Variants in BARX2 observed in about 807,000 individuals in gnomAD.
The protein encoded by BARX2 is BARX homeobox 2.
BARX2 carries 11 observed loss-of-function variants against 25.5 expected under a neutral mutation model. The observed-to-expected ratio is 0.43, with a 90% CI of 0.27 to 0.71. The LOEUF (loss-of-function observed/expected upper bound fraction) is 0.71. BARX2 is among the 30% of genes least tolerant of loss of function. BARX2 has a pLI of 0.19. For synonymous variants in BARX2, 137 were observed against 149.5 expected, an observed-to-expected ratio of 0.92 and a Z score of 0.61; for missense variants, 360 against 359.9, an observed-to-expected ratio of 1.00 and a Z score of 0.00.
At chr11:129,383,057 C>T (rs149227088) in intron 1 of BARX2, among the ~76,000 whole-genome samples, 4 of 152,266 alleles carry the variant, frequency 2.6e-5, no homozygotes, top group East Asian at 3.9e-4. Context: ...TTATTAGTAA[C>T]GGGAGTCAGA....
chr11:129,392,351 C>T (rs1322334778), intron 1 of BARX2, among the ~76,000 whole-genome samples: 1 of 152,132 alleles, frequency 6.6e-6, no homozygotes, highest in African/African-American at 2.4e-5. Context: ...GAGATCTGGC[C>T]CTTACCATAA....
chr11:129,419,773 ATAT>A (rs973893031), intron 1 of BARX2, among the ~76,000 whole-genome samples: 1 of 151,652 alleles, frequency 6.6e-6, no homozygotes, highest in Non-Finnish European at 1.5e-5. Flanking sequence ...ATTACTGGCA[ATAT>A]TATTATTATT....
At chr11:129,404,041 A>C (rs1292685575) in intron 1 of BARX2, among the ~76,000 whole-genome samples, 1 of 152,260 alleles carries the variant, frequency 6.6e-6, no homozygotes, top group African/African-American at 2.4e-5. Flanking sequence ...CTAATGAATG[A>C]TTCTATCAAA....
rs758587147 is a variant in BARX2, at chr11:129,451,268, C to T, written c.706C>T (p.Pro236Ser). The change falls in exon 4 of 4, where the codon CCC becomes TCC. Residue 236 changes from proline (P) to serine (S), a missense_variant. This residue lies in a region of BARX2 where 114 missense variants were observed against 109.4 expected (regional missense o/e 1.04). Transcript: ENST00000281437. ...SQAQGQEQLE[P>S]SQGQEELCEA... ...GGCCCAGGGTCAGGAGCAGCTGGAG[C>T]CCTCTCAGGGGCAGGAGGAGCTCTG... is the stretch of plus-strand genomic sequence containing the variant. 1.9e-5 allele frequency: 30 copies of T among 1,614,072 alleles called. No individual in the cohort carries two copies. In the Middle Eastern group the frequency reaches 4.9e-4, roughly 27 times the overall value.
intron 2 of BARX2, among the ~76,000 whole-genome samples, chr11:129,441,357 C>A (rs564142646): frequency 4.6e-5 from 7 of 152,324 alleles, no homozygotes; most frequent in South Asian, 2.1e-4. Flanking sequence ...GTTTTCTGGG[C>A]AGAGCCAGAC....
In BARX2 at chr11:129,436,299, T is replaced by C; in HGVS notation, c.188-452T>C. 1 of 160,800 alleles carries C rather than the reference T, an allele frequency of 6.2e-6. No homozygotes were observed. Among genetic ancestry groups the C allele is most frequent in the Non-Finnish European group, 1.3e-5 (1 of 74,164 alleles). 10.0% of individuals were successfully genotyped at this position (160,800 alleles called of 1,614,324 possible). On this transcript the variant is annotated intron_variant, in intron 1 of 3. Coordinates refer to ENST00000281437, the MANE Select transcript of BARX2 (RefSeq NM_003658.5). The surrounding 1 kb of genome is among the most constrained non-coding windows in gnomAD (Gnocchi z 4.5). ...TGCTATGCTTCAAGGTACACAGACT[T>C]CTCAGGAAGAATTCATAGCTACAAG...
chr11:129,414,680 G>A (rs1861926817), intron 1 of BARX2, among the ~76,000 whole-genome samples: 1 of 152,222 alleles, frequency 6.6e-6, no homozygotes, highest in Non-Finnish European at 1.5e-5. Flanking sequence ...AGCAGGGAGT[G>A]AATCAGAGCC....
chr11:129,401,785 G>A (rs527402569), intron 1 of BARX2, among the ~76,000 whole-genome samples: 30 of 152,164 alleles, frequency 2.0e-4, no homozygotes, highest in African/African-American at 6.5e-4. Flanking sequence ...GTGAAACCCC[G>A]TCTCTGCGAA....
chr11:129,402,434 AC>A (rs1190266504), intron 1 of BARX2, among the ~76,000 whole-genome samples: 1 of 152,216 alleles, frequency 6.6e-6, no homozygotes, highest in Non-Finnish European at 1.5e-5. Flanking sequence ...TAAGCATCCA[AC>A]AGCTGTTTGA....
chr11:129,417,199 C>T (rs1861954004), intron 1 of BARX2, among the ~76,000 whole-genome samples: 1 of 152,142 alleles, frequency 6.6e-6, no homozygotes, highest in East Asian at 1.9e-4. Flanking sequence ...CCGTGCCTGG[C>T]CCAGTGTCTT....
At chr11:129,437,115 T>C (rs950392901) in intron 2 of BARX2, 64 bp downstream of exon 2, 14 of 1,448,846 alleles carry the variant, frequency 9.7e-6, no homozygotes, top group Admixed American at 5.2e-5. Context: ...CTTGCTCCCA[T>C]TGTGGGCCGT....
chr11:129,443,028 G>A, intron 3 of BARX2, 109 bp downstream of exon 3: 3 of 955,274 alleles, frequency 3.1e-6, no homozygotes, highest in Non-Finnish European at 4.9e-6. Flanking sequence ...GCAGAGATTG[G>A]AAGGCCTTCT....
rs73024959 is a variant in BARX2 at position 129,404,246 on chromosome 11, G to A, written c.187+28024G>A. Among the ~76,000 whole-genome samples the A allele has an allele frequency of 2.3e-3, 355 of 152,292 alleles. 3 individuals are homozygous for A. Among genetic ancestry groups the A allele is most frequent in the Middle Eastern group, 6.8e-3 (2 of 294 alleles). On this transcript the variant is annotated intron_variant, in intron 1 of 3. Transcript: ENST00000281437. ...AAGAAAACCCCAGTCAGCTTGGAGA[G>A]GGCAGCGAGGGAGGCTGCAGGCTGA...
At chr11:129,398,846 G>C (rs1861748251) in intron 1 of BARX2, among the ~76,000 whole-genome samples, 1 of 152,182 alleles carries the variant, frequency 6.6e-6, no homozygotes, top group Non-Finnish European at 1.5e-5. Context: ...TAGAACCTTA[G>C]GAGAACCAAC....
chr11:129,378,563 C>CTTTTTTTTTTTTTTTTTTTTT (rs56804728), intron 1 of BARX2, among the ~76,000 whole-genome samples: 21 of 111,208 alleles, frequency 1.9e-4, no homozygotes, highest in East Asian at 5.1e-4. Flanking sequence ...TTTTCTTTTT[C>CTTTTTTTTTTTTTTTTTTTTT]TTTTTTTTTT....
chr11:129,398,327 T>C (rs1861742979), intron 1 of BARX2, among the ~76,000 whole-genome samples: 1 of 152,212 alleles, frequency 6.6e-6, no homozygotes, highest in South Asian at 2.1e-4. Context: ...AGAGGCTCAC[T>C]CGATTAGGCT....
chr11:129,414,195 G>A (rs1002529344), intron 1 of BARX2, among the ~76,000 whole-genome samples: 1 of 151,960 alleles, frequency 6.6e-6, no homozygotes, highest in Non-Finnish European at 1.5e-5. Context: ...ACATTCTTCA[G>A]AGACTTTTAA....
intron 1 of BARX2, among the ~76,000 whole-genome samples, chr11:129,406,806 G>A (rs1394778949): frequency 6.6e-6 from 1 of 152,200 alleles, no homozygotes; most frequent in Non-Finnish European, 1.5e-5. Flanking sequence ...TGATGATGAT[G>A]ATGTTGATGA....
Position 129,436,847 on chromosome 11 carries a change from A to G in BARX2, c.284A>G (p.Gln95Arg). 1 of 1,613,962 alleles carries G rather than the reference A, an allele frequency of 6.2e-7. No individual in the cohort carries two copies. The highest frequency in any genetic ancestry group is 8.5e-7 in the Non-Finnish European group (1 of 1,179,964). ...HLVPATPGIA[Q>R]ALSCHQVTEA... ...GTCCCTGCCACCCCGGGAATCGCCCAGGCACTGTCCTGCCACCAGGTCACC... is the reference window on the plus strand; with the variant it reads ...GTCCCTGCCACCCCGGGAATCGCCCGGGCACTGTCCTGCCACCAGGTCACC... The change falls in exon 2 of 4, where the codon CAG (glutamine) becomes CGG (arginine). Residue 95 changes from glutamine (Q) to arginine (R), a missense_variant. Transcript: ENST00000281437. The surrounding 1 kb of genome is among the most constrained non-coding windows in gnomAD (Gnocchi z 4.5).
Sources: gnomAD v4.1 joint callset for allele counts (sites outside exome capture counted in the v4.1 genomes callset) on GRCh38, gnomAD v4.1.1 for gene constraint, gnomAD v4.1.1 regional missense constraint, Gnocchi (gnomAD v3.1) non-coding constraint, MANE v1.5 for transcripts, NCBI Gene and HGNC (gene_info 2026-07-23, HGNC 2026-07-21) for gene names.